The following SCNN1B variants were observed in gnomAD, a reference collection of about 807,000 sequenced individuals.
SCNN1B encodes sodium channel epithelial 1 subunit beta.
A neutral mutation model predicts 65.3 loss-of-function variants in SCNN1B; 46 were observed. The observed-to-expected ratio is 0.70, with a 90% CI of 0.56 to 0.90. The LOEUF is 0.90. Among genes scored for constraint, SCNN1B ranks in the 40% least tolerant of loss-of-function variants. SCNN1B has a pLI of 0.00. For missense variants in SCNN1B, 751 were observed against 830.5 expected, an observed-to-expected ratio of 0.90 and a Z score of 1.18; for synonymous variants, 349 against 330.6, an observed-to-expected ratio of 1.06 and a Z score of -0.60.
At chr16:23,379,827 G>T (rs150069702) in intron 11 of SCNN1B, among the ~76,000 whole-genome samples, 5 of 152,192 alleles carry the variant, frequency 3.3e-5, no homozygotes, top group African/African-American at 1.2e-4. Flanking sequence ...CAGAAGGGCC[G>T]GGAAGGGCTG....
chr16:23,371,420 C>A lies in SCNN1B; in HGVS notation c.1002C>A (p.Ile334=). 1 of 1,614,150 alleles carries A rather than the reference C, an allele frequency of 6.2e-7. No homozygotes were observed. Among genetic ancestry groups the A allele is most frequent in the African/African-American group, 1.3e-5 (1 of 75,056 alleles). ...RSYPFIRDEG[I]YAMSGTETSI... is the part of the protein sequence containing the mutation. ...ACCCCTTCATCAGAGATGAGGGCAT[C>A]TACGCCATGTCGGGGACAGAGACGT... The change falls in exon 6 of 13, where the codon ATC becomes ATA. Residue 334 remains isoleucine, a synonymous_variant. Transcript: ENST00000343070.
intron 2 of SCNN1B, among the ~76,000 whole-genome samples, chr16:23,285,409 T>A (rs1777543196): frequency 6.6e-6 from 1 of 152,138 alleles, no homozygotes; most frequent in South Asian, 2.1e-4. Flanking sequence ...TGGCCTCAAG[T>A]GATCCTTCTG....
At chr16:23,346,190 T>G (rs1962181571) in intron 1 of SCNN1B, among the ~76,000 whole-genome samples, 1 of 144,274 alleles carries the variant, frequency 6.9e-6, no homozygotes, top group South Asian at 2.3e-4. Context: ...GAACACCCTT[T>G]TTTCCTTTTC....
At chr16:23,377,754 CTTT>C (rs1962943369) in intron 10 of SCNN1B, among the ~76,000 whole-genome samples, 7 of 99,118 alleles carry the variant, frequency 7.1e-5, no homozygotes, top group South Asian at 3.3e-4. Flanking sequence ...TTCCTTCTTT[CTTT>C]CCTTCCTTCC....
intron 8 of SCNN1B, among the ~76,000 whole-genome samples, chr16:23,376,756 AAAAAG>A (rs1301065394): frequency 1.3e-5 from 2 of 151,948 alleles, no homozygotes; most frequent in African/African-American, 2.4e-5. Flanking sequence ...AAAAAAAAAA[AAAAAG>A]AAAGAAAGAA....
At chr16:23,339,348 A>C (rs12447134) in intron 1 of SCNN1B, among the ~76,000 whole-genome samples, 21,359 of 151,920 alleles carry the variant, frequency 0.14, 2,026 homozygotes, top group African/African-American at 0.27. Flanking sequence ...TGTGTGTGAA[A>C]GTATGTTTTT....
At chr16:23,369,648 C>T (rs1250845113) in intron 5 of SCNN1B, among the ~76,000 whole-genome samples, 8 of 152,094 alleles carry the variant, frequency 5.3e-5, no homozygotes, top group Non-Finnish European at 7.4e-5. Context: ...CAGCGACCAT[C>T]GGGGCCGCTG....
At chr16:23,351,285 C>T (rs555121808) in intron 2 of SCNN1B, among the ~76,000 whole-genome samples, 4 of 152,288 alleles carry the variant, frequency 2.6e-5, no homozygotes, top group Admixed American at 6.5e-5. Context: ...ATCTTCCCAA[C>T]GATTCTCTGG....
intron 1 of SCNN1B, among the ~76,000 whole-genome samples, chr16:23,318,655 G>A (rs1471806661): frequency 2.1e-4 from 32 of 152,312 alleles, no homozygotes; most frequent in Middle Eastern, 3.4e-3. Context: ...ATGCATGAGT[G>A]TATTCTAGCT....
Position 23,373,682 on chromosome 16 carries a change from G to A in SCNN1B, c.1152+1799G>A, listed in dbSNP as rs189419339. On this transcript the variant is annotated intron_variant, in intron 7 of 12. Coordinates refer to ENST00000343070, the MANE Select transcript of SCNN1B (RefSeq NM_000336.3). ...TGCCTGCCTCAGTGTCTGGGTGCCC[G>A]AGCATGGCATGGTTTGCCCTTTCCC... is the stretch of plus-strand genomic sequence containing the variant. Among the ~76,000 whole-genome samples, 18 of 152,296 alleles carry A rather than the reference G, an allele frequency of 1.2e-4. 1 individual carries two copies. Among genetic ancestry groups the A allele is most frequent in the Admixed American group, 3.9e-4 (6 of 15,298 alleles).
chr16:23,356,767 T>C (rs770857874), intron 4 of SCNN1B, among the ~76,000 whole-genome samples: 1 of 152,162 alleles, frequency 6.6e-6, no homozygotes, highest in Non-Finnish European at 1.5e-5. Flanking sequence ...CTTCTTGCAA[T>C]TGACCCACAG....
intron 3 of SCNN1B, among the ~76,000 whole-genome samples, chr16:23,354,549 C>T (rs1312590983): frequency 6.6e-6 from 1 of 152,242 alleles, no homozygotes; most frequent in Admixed American, 6.5e-5. Flanking sequence ...GGGTGCTCTG[C>T]ACCCTGTGGT....
chr16:23,291,058 A>AT (rs1335782113), intron 2 of SCNN1B, among the ~76,000 whole-genome samples: 9 of 132,096 alleles, frequency 6.8e-5, no homozygotes, highest in Non-Finnish European at 9.2e-5. Flanking sequence ...TCTTTACCAC[A>AT]TTTTTTTTTC....
intron 1 of SCNN1B, among the ~76,000 whole-genome samples, chr16:23,325,922 T>TAAATAAATAAATAA (rs59140961): frequency 0.023 from 3,337 of 147,698 alleles, 57 homozygotes; most frequent in African/African-American, 0.028. Context: ...AATAAATAAA[T>TAAATAAATAAATAA]ATAAATAAAA....
chr16:23,347,529 CA>C (rs929748546), intron 1 of SCNN1B, among the ~76,000 whole-genome samples: 9 of 152,078 alleles, frequency 5.9e-5, no homozygotes, highest in Non-Finnish European at 1.3e-4. Context: ...TTTCTGGTCA[CA>C]AAAAAAGTCA....
intron 7 of SCNN1B, among the ~76,000 whole-genome samples, chr16:23,373,771 G>A (rs1003184952): frequency 5.9e-5 from 9 of 152,142 alleles, no homozygotes; most frequent in Admixed American, 6.5e-5. Flanking sequence ...TGGCCACCTC[G>A]CGTCTGGAGG....
intron 2 of SCNN1B, among the ~76,000 whole-genome samples, chr16:23,296,069 G>T (rs1045228623): frequency 1.4e-4 from 21 of 152,208 alleles, no homozygotes; most frequent in Admixed American, 2.0e-4. Context: ...CTTGGTAGTG[G>T]CTGGAGGCTT....
At chr16:23,362,693 G>A (rs72654332) in intron 4 of SCNN1B, among the ~76,000 whole-genome samples, 1 of 152,180 alleles carries the variant, frequency 6.6e-6, no homozygotes, top group African/African-American at 2.4e-5. Context: ...CGCACGTGGA[G>A]ACCAAGAGCA....
At position 23,381,080 on chromosome 16, in the gene SCNN1B, G is replaced by T. The variant is rs987600680; in HGVS notation, c.*279G>T. 2.0e-6 allele frequency: 1 copy of T among 504,312 alleles called. No individual in the cohort carries two copies. The highest frequency in any genetic ancestry group is 3.6e-6 in the Non-Finnish European group (1 of 276,844). The allele number at this position is 504,312 out of a possible 1,614,324, so 31.2% of individuals were successfully genotyped here. A position where few individuals can be genotyped will look rare whatever the true frequency, so the allele number is the denominator to read the frequency against. ...CTGATCCTGGTCCTGAAGACCCCTC[G>T]GAACACCCTCTCCTGGTGGCAGGCC... On this transcript the variant is annotated 3_prime_UTR_variant, in exon 13 of 13. Transcript: ENST00000343070.
Sources: allele counts gnomAD v4.1 joint callset (sites outside exome capture counted in the v4.1 genomes callset), GRCh38; gene constraint gnomAD v4.1.1; transcripts MANE v1.5; gene names NCBI Gene and HGNC (gene_info 2026-07-23, HGNC 2026-07-21).